Variants in CYP7B1 observed in about 807,000 individuals in gnomAD.
CYP7B1 encodes cytochrome P450 7B1.
Under a neutral mutation model 42.7 loss-of-function variants are expected in CYP7B1, and 29 were observed. That is an observed-to-expected ratio of 0.68 (90% CI 0.51 to 0.93). The LOEUF is 0.93. Among genes scored for constraint, CYP7B1 ranks in the 40% least tolerant of loss-of-function variants. CYP7B1 has a pLI of 0.00. For missense variants in CYP7B1, 655 were observed against 600.5 expected (o/e 1.09, Z -0.95); for synonymous variants, 235 against 218.2 (o/e 1.08, Z -0.68).
rs554138237 is a variant in CYP7B1, at chr8:64,723,005, G to A, written c.122+75461C>T. On this transcript the variant is annotated intron_variant, in intron 1 of 5. Coordinates refer to ENST00000310193, the MANE Select transcript of CYP7B1 (RefSeq NM_004820.5). ...CTCAATTGTAAGTGAATCGTAGCTG[G>A]CTTTTTTTTCTGCTAAATACATTTG... Among the ~76,000 whole-genome samples, 6 of 152,176 alleles carry A rather than the reference G, an allele frequency of 3.9e-5. No individual in the cohort carries two copies. The South Asian group carries it at 1.0e-3, about 26-fold the overall frequency.
At chr8:64,704,724 A>G (rs1806967250) in intron 1 of CYP7B1, among the ~76,000 whole-genome samples, 1 of 152,044 alleles carries the variant, frequency 6.6e-6, no homozygotes, top group Admixed American at 6.6e-5. Context: ...TGGCTTTGAG[A>G]AATATCTGTT....
At chr8:64,615,548 G>GT in intron 3 of CYP7B1, 143 bp downstream of exon 3, 1 of 800,640 alleles carries the variant, frequency 1.2e-6, no homozygotes, top group East Asian at 2.6e-5. Flanking sequence ...AATTATAGAG[G>GT]GTTATATCAG....
intron 1 of CYP7B1, among the ~76,000 whole-genome samples, chr8:64,774,995 G>C (rs541166568): frequency 1.3e-5 from 2 of 152,162 alleles, no homozygotes; most frequent in South Asian, 4.1e-4. Context: ...AAATATAGAT[G>C]GTCAAATATC....
At chr8:64,708,282 A>G (rs1179519061) in intron 1 of CYP7B1, among the ~76,000 whole-genome samples, 2 of 152,140 alleles carry the variant, frequency 1.3e-5, no homozygotes, top group African/African-American at 4.8e-5. Flanking sequence ...TGGAAGTTCA[A>G]TGACATCCCC....
intron 1 of CYP7B1, among the ~76,000 whole-genome samples, chr8:64,628,321 C>A (rs2129630528): frequency 6.6e-6 from 1 of 152,228 alleles, no homozygotes; most frequent in East Asian, 1.9e-4. Context: ...AAAGTGTGTG[C>A]AAAATGTCAT....
At chr8:64,703,509 G>A (rs1806948637) in intron 1 of CYP7B1, among the ~76,000 whole-genome samples, 1 of 151,884 alleles carries the variant, frequency 6.6e-6, no homozygotes, top group Non-Finnish European at 1.5e-5. Flanking sequence ...TAGCAGCTAG[G>A]CCATCAGGAC....
At chr8:64,746,775 C>G (rs1807649781) in intron 1 of CYP7B1, among the ~76,000 whole-genome samples, 1 of 151,928 alleles carries the variant, frequency 6.6e-6, no homozygotes, top group Admixed American at 6.6e-5. Flanking sequence ...ACATATTTTT[C>G]TGAATACCCC....
intron 1 of CYP7B1, among the ~76,000 whole-genome samples, chr8:64,774,263 T>C (rs1219952239): frequency 1.3e-5 from 2 of 152,210 alleles, no homozygotes; most frequent in African/African-American, 2.4e-5. Flanking sequence ...TTAGGGTTCT[T>C]TGAGGACAGA....
intron 1 of CYP7B1, among the ~76,000 whole-genome samples, chr8:64,628,051 G>T (rs1482728535): frequency 6.6e-6 from 1 of 152,172 alleles, no homozygotes; most frequent in South Asian, 2.1e-4. Context: ...GGTTGATCAA[G>T]TTTCAAAACT....
intron 1 of CYP7B1, among the ~76,000 whole-genome samples, chr8:64,706,237 C>T (rs1193738334): frequency 6.6e-6 from 1 of 151,910 alleles, no homozygotes; most frequent in Non-Finnish European, 1.5e-5. Context: ...TTTTAGAGTA[C>T]AAAGGTGAAG....
At chr8:64,681,350 T>C (rs1051351856) in intron 1 of CYP7B1, among the ~76,000 whole-genome samples, 3 of 152,110 alleles carry the variant, frequency 2.0e-5, no homozygotes, top group Admixed American at 6.5e-5. Flanking sequence ...GGGGAGGAAG[T>C]TGAAAAGACA....
At chr8:64,719,805 A>G (rs977504044) in intron 1 of CYP7B1, among the ~76,000 whole-genome samples, 4 of 152,228 alleles carry the variant, frequency 2.6e-5, no homozygotes, top group African/African-American at 9.6e-5. Context: ...CAAAGGGTAG[A>G]AACTTCACTT....
chr8:64,643,375 G>A (rs1291821951), intron 1 of CYP7B1, among the ~76,000 whole-genome samples: 1 of 151,980 alleles, frequency 6.6e-6, no homozygotes, highest in Non-Finnish European at 1.5e-5. Flanking sequence ...CATTAAGTGT[G>A]CAATAGCACT....
intron 1 of CYP7B1, among the ~76,000 whole-genome samples, chr8:64,718,434 T>C (rs1478098877): frequency 1.3e-5 from 2 of 152,188 alleles, no homozygotes; most frequent in Non-Finnish European, 2.9e-5. Context: ...TGAATCTTCC[T>C]AGGCTTACAC....
At chr8:64,737,894 T>C (rs531168747) in intron 1 of CYP7B1, among the ~76,000 whole-genome samples, 1 of 152,208 alleles carries the variant, frequency 6.6e-6, no homozygotes, top group South Asian at 2.1e-4. Context: ...TGGTTTTATG[T>C]TCTACTTATT....
chr8:64,726,714 T>C (rs983113396), intron 1 of CYP7B1, among the ~76,000 whole-genome samples: 2 of 152,234 alleles, frequency 1.3e-5, no homozygotes, highest in Non-Finnish European at 2.9e-5. Flanking sequence ...CCATCACTAT[T>C]ATTTGGGAGA....
chr8:64,740,890 C>A (rs1279350024), intron 1 of CYP7B1, among the ~76,000 whole-genome samples: 3 of 152,030 alleles, frequency 2.0e-5, no homozygotes, highest in African/African-American at 7.2e-5. Context: ...GCACCAGGAC[C>A]AGATGATATA....
intron 1 of CYP7B1, among the ~76,000 whole-genome samples, chr8:64,712,035 A>G (rs2129632678): frequency 6.6e-6 from 1 of 152,340 alleles, no homozygotes; most frequent in South Asian, 2.1e-4. Context: ...AAGTCAGCAA[A>G]GAACAGAGTG....
At chr8:64,669,127 TA>T (rs969090763) in intron 1 of CYP7B1, among the ~76,000 whole-genome samples, 2 of 151,910 alleles carry the variant, frequency 1.3e-5, no homozygotes, top group African/African-American at 4.8e-5. Context: ...GAAAATAAGT[TA>T]AAAAAAATGA....
Sources: gnomAD v4.1 joint callset for allele counts (sites outside exome capture counted in the v4.1 genomes callset) on GRCh38, gnomAD v4.1.1 for gene constraint, MANE v1.5 for transcripts, NCBI Gene and HGNC (gene_info 2026-07-23, HGNC 2026-07-21) for gene names.